Variants in DRC4 observed in about 807,000 individuals in gnomAD.
The protein encoded by DRC4 is dynein regulatory complex subunit 4.
the DRC4 span, among the ~76,000 whole-genome samples, chr16:90,024,814 CAAAAA>C: frequency 6.6e-6 from 1 of 151,500 alleles, no homozygotes; most frequent in Non-Finnish European, 1.5e-5. Flanking sequence ...TCAAAAAAAA[CAAAAA>C]CAAAAACAAA....
At chr16:90,037,456 A>T in the DRC4 span, 1 of 1,543,426 alleles carries the variant, frequency 6.5e-7, no homozygotes, top group Admixed American at 1.9e-5. Flanking sequence ...TAGGCTCAGG[A>T]GGGAGGAGCA....
At chr16:90,040,072 G>C in the DRC4 span, 1 of 575,886 alleles carries the variant, frequency 1.7e-6, no homozygotes. Flanking sequence ...CTTCCTGAGA[G>C]AAGGGCTTAT....
chr16:90,043,618 C>A, the DRC4 span: 1 of 604,014 alleles, frequency 1.7e-6, no homozygotes. Context: ...CCACAGTCGG[C>A]GGCACCTTCT....
chr16:90,022,495 G>T, the DRC4 span: 1 of 461,200 alleles, frequency 2.2e-6, no homozygotes. Context: ...GCAGCGAAAG[G>T]CTTCTGGGCT....
At chr16:90,022,467 A>G in the DRC4 span, 69 of 433,382 alleles carry the variant, frequency 1.6e-4, no homozygotes, top group Admixed American at 6.5e-4. Flanking sequence ...GGTTCCAGCA[A>G]TAAGCAAAAC....
the DRC4 span, chr16:90,042,644 G>C: frequency 2.3e-6 from 2 of 868,496 alleles, no homozygotes; most frequent in Non-Finnish European, 3.7e-6. Context: ...TACCTCGTTT[G>C]ACAAGGCAGC....
the DRC4 span, chr16:90,028,836 T>G: frequency 1.2e-6 from 1 of 835,044 alleles, no homozygotes; most frequent in Non-Finnish European, 1.6e-6. Context: ...AGTTGTAAGA[T>G]AAAAAATCAA....
At chr16:90,033,671 A>T in the DRC4 span, among the ~76,000 whole-genome samples, 1 of 152,084 alleles carries the variant, frequency 6.6e-6, no homozygotes, top group African/African-American at 2.4e-5. Context: ...ACAAAAAGGA[A>T]AGAGATCATT....
At chr16:90,031,330 A>G in the DRC4 span, 1 of 1,613,182 alleles carries the variant, frequency 6.2e-7, no homozygotes, top group South Asian at 1.1e-5. Context: ...ATCCGGGAGG[A>G]GCTGGACCGC....
chr16:90,029,476 G>A, the DRC4 span: 1 of 466,132 alleles, frequency 2.1e-6, no homozygotes, highest in African/African-American at 2.1e-5. Flanking sequence ...AACACCATGT[G>A]AGCCAAACAG....
At chr16:90,042,092 A>T in the DRC4 span, among the ~76,000 whole-genome samples, 2 of 151,950 alleles carry the variant, frequency 1.3e-5, no homozygotes, top group Non-Finnish European at 2.9e-5. Context: ...GGTGTGAGCC[A>T]CCGTGCCCGG....
At chr16:90,024,505 C>T in the DRC4 span, among the ~76,000 whole-genome samples, 2 of 152,098 alleles carry the variant, frequency 1.3e-5, no homozygotes, top group African/African-American at 4.8e-5. Flanking sequence ...TAAGGAAAAA[C>T]ATGTTTTGCG....
the DRC4 span, chr16:90,036,997 A>G: frequency 1.7e-6 from 1 of 578,714 alleles, no homozygotes; most frequent in Non-Finnish European, 3.1e-6. Flanking sequence ...CCTTGGTGGA[A>G]TCTTGAACAA....
At chr16:90,031,470 G>T in the DRC4 span, 3 of 1,578,460 alleles carry the variant, frequency 1.9e-6, no homozygotes, top group South Asian at 1.1e-5. Context: ...GGAAGAAGCC[G>T]AGGAGAGGCA....
chr16:90,036,772 T>TAGGTA, the DRC4 span: 23 of 708,784 alleles, frequency 3.2e-5, no homozygotes, highest in Non-Finnish European at 4.8e-5. Flanking sequence ...TATCTCTACC[T>TAGGTA]ATTGTTAAAA....
chr16:90,022,847 G>C, the DRC4 span: 1 of 979,526 alleles, frequency 1.0e-6, no homozygotes, highest in Non-Finnish European at 1.4e-6. Flanking sequence ...TTCTGGAATT[G>C]AGAGCTCGGT....
the DRC4 span, among the ~76,000 whole-genome samples, chr16:90,034,180 T>A: frequency 1.3e-5 from 2 of 152,180 alleles, no homozygotes; most frequent in African/African-American, 4.8e-5. Flanking sequence ...CAGTCCAGCC[T>A]CCACTGAATC....
the DRC4 span, among the ~76,000 whole-genome samples, chr16:90,023,935 C>T: frequency 3.1e-5 from 4 of 129,966 alleles, no homozygotes; most frequent in African/African-American, 8.1e-5. Context: ...GAGGTTGCAG[C>T]GAGCCGAGAT....
chr16:90,039,025 C>G, the DRC4 span, among the ~76,000 whole-genome samples: 1 of 152,238 alleles, frequency 6.6e-6, no homozygotes, highest in Non-Finnish European at 1.5e-5. Flanking sequence ...ATCTGTCTGT[C>G]AGATCTAGCC....
Sources: allele counts gnomAD v4.1 joint callset (sites outside exome capture counted in the v4.1 genomes callset), GRCh38; gene constraint gnomAD v4.1.1; transcripts MANE v1.5; gene names NCBI Gene and HGNC (gene_info 2026-07-23, HGNC 2026-07-21).